NRXN3: variants seen among roughly 807,000 people sequenced by gnomAD.
NRXN3 encodes the protein neurexin III.
A neutral mutation model predicts 137.6 loss-of-function variants in NRXN3; 32 were observed. The observed-to-expected ratio is 0.23, with a 90% confidence interval of 0.18 to 0.31. NRXN3 has a LOEUF of 0.31. Among genes scored for constraint, NRXN3 ranks in the 10% least tolerant of loss-of-function variants. The pLI, the probability that NRXN3 is intolerant of heterozygous loss-of-function variation, is 1.00. For synonymous variants in NRXN3, 798 were observed against 784.5 expected (o/e 1.02, Z -0.29); for missense variants, 1,574 against 2,062.5 (o/e 0.76, Z 4.59).
At chr14:79,437,840 T>C (rs1020188845) in intron 15 of NRXN3, among the ~76,000 whole-genome samples, 10 of 152,240 alleles carry the variant, frequency 6.6e-5, no homozygotes, top group African/African-American at 2.4e-4. Context: ...CTGGACCTCT[T>C]TGAGTCATGC....
In NRXN3 at chr14:79,212,067, T is replaced by G. The variant is rs547999987; in HGVS notation, c.3262+223926T>G. On this transcript the variant is annotated intron_variant, in intron 15 of 20. Transcript: ENST00000335750. ...TCTTGGCTTAAAGGGCAACTTCCTG[T>G]GCATGTTCAGGAATCTGTGGCAAAG... is the stretch of plus-strand genomic sequence containing the variant. Among the ~76,000 whole-genome samples the G allele has an allele frequency of 3.9e-5, 6 of 152,316 alleles. No individual in the cohort carries two copies. In the East Asian group the frequency reaches 1.2e-3, roughly 29 times the overall value.
At chr14:79,216,184 T>C (rs573070701) in intron 15 of NRXN3, among the ~76,000 whole-genome samples, 1 of 152,226 alleles carries the variant, frequency 6.6e-6, no homozygotes, top group East Asian at 1.9e-4. Context: ...TGGAATGGGA[T>C]GATTTGAAGG....
chr14:79,556,728 A>T (rs1037919556), intron 16 of NRXN3, among the ~76,000 whole-genome samples: 6 of 151,956 alleles, frequency 3.9e-5, no homozygotes, highest in Admixed American at 3.9e-4. Context: ...GATAAAAATT[A>T]TTTTTTGTGT....
chr14:79,527,003 C>T (rs1336793526), intron 16 of NRXN3, among the ~76,000 whole-genome samples: 1 of 151,998 alleles, frequency 6.6e-6, no homozygotes, highest in Non-Finnish European at 1.5e-5. Context: ...AGAATAACTG[C>T]TGGCCAGGCA....
At chr14:78,555,579 C>T (rs1021344651) in intron 4 of NRXN3, among the ~76,000 whole-genome samples, 2 of 152,210 alleles carry the variant, frequency 1.3e-5, no homozygotes, top group Non-Finnish European at 2.9e-5. Context: ...CAACTTTTGA[C>T]TTGAACAGTC....
At chr14:79,616,573 C>T (rs1434357137) in intron 16 of NRXN3, among the ~76,000 whole-genome samples, 2 of 152,088 alleles carry the variant, frequency 1.3e-5, no homozygotes, top group Non-Finnish European at 2.9e-5. Flanking sequence ...TGCTTGTTAC[C>T]TGGGTAGCAA....
chr14:79,657,384 G>A (rs1453877281), intron 16 of NRXN3, among the ~76,000 whole-genome samples: 1 of 152,132 alleles, frequency 6.6e-6, no homozygotes, highest in Non-Finnish European at 1.5e-5. Context: ...GAGGGGACTG[G>A]GTCATTGTCA....
intron 16 of NRXN3, among the ~76,000 whole-genome samples, chr14:79,467,794 G>A (rs1483236445): frequency 6.6e-6 from 1 of 152,168 alleles, no homozygotes; most frequent in Non-Finnish European, 1.5e-5. Context: ...CAAACCTTCT[G>A]TAAAGAGACG....
Position 78,810,443 on chromosome 14 carries a change from A to AT in NRXN3, c.2275+105dup. ...TTATGAGCTGTTTTTTATTTGAATT[A>AT]TTTTTTCTTTTAACAATGGAGTGGG... On this transcript the variant is annotated intron_variant, in intron 10 of 20. Transcript: ENST00000335750. 1.2e-5 allele frequency: 4 copies of AT among 347,652 alleles called. No individual in the cohort carries two copies. In the South Asian group the frequency reaches 1.6e-4, roughly 14 times the overall value. 21.5% of individuals were successfully genotyped at this position (347,652 alleles called of 1,614,324 possible).
intron 4 of NRXN3, among the ~76,000 whole-genome samples, chr14:78,534,259 A>G: frequency 6.6e-6 from 1 of 152,218 alleles, no homozygotes; most frequent in East Asian, 1.9e-4. Context: ...TAAGCCTATG[A>G]TGATATTTTA....
intron 4 of NRXN3, among the ~76,000 whole-genome samples, chr14:78,605,502 C>T (rs1453781791): frequency 6.6e-6 from 1 of 152,114 alleles, no homozygotes; most frequent in Non-Finnish European, 1.5e-5. Flanking sequence ...ATTTGACATT[C>T]AGGTCAGATC....
intron 1 of NRXN3, among the ~76,000 whole-genome samples, chr14:78,215,771 T>TG (rs111862109): frequency 0.59 from 64,239 of 109,358 alleles, 17,587 homozygotes; most frequent in Middle Eastern, 0.68. Context: ...TGCAGGGGGG[T>TG]GGGGGGGGCA....
chr14:79,626,807 C>A (rs2098286604), intron 16 of NRXN3, among the ~76,000 whole-genome samples: 1 of 152,068 alleles, frequency 6.6e-6, no homozygotes, highest in African/African-American at 2.4e-5. Context: ...TCCAGATTAT[C>A]CAATACAGTA....
intron 15 of NRXN3, among the ~76,000 whole-genome samples, chr14:79,196,596 C>T (rs72688943): frequency 0.081 from 12,341 of 152,212 alleles, 670 homozygotes; most frequent in Non-Finnish European, 0.12. Context: ...CCATACCAAA[C>T]ATCCACTCTG....
chr14:78,663,898 T>A (rs1261971629), intron 6 of NRXN3, among the ~76,000 whole-genome samples: 1 of 152,232 alleles, frequency 6.6e-6, no homozygotes, highest in African/African-American at 2.4e-5. Context: ...GATAAAGCAA[T>A]CATTGAGCTA....
At chr14:78,620,802 A>G (rs2152499538) in intron 4 of NRXN3, among the ~76,000 whole-genome samples, 1 of 152,276 alleles carries the variant, frequency 6.6e-6, no homozygotes, top group East Asian at 1.9e-4. Context: ...ATATTATTAT[A>G]CCTATTTTAT....
At chr14:78,936,117 T>A (rs117913922) in intron 10 of NRXN3, among the ~76,000 whole-genome samples, 3,348 of 152,308 alleles carry the variant, frequency 0.022, 63 homozygotes, top group Middle Eastern at 0.027. Context: ...GCAGTCCATC[T>A]ATCTTTCCTA....
intron 4 of NRXN3, among the ~76,000 whole-genome samples, chr14:78,621,585 A>G (rs1009782754): frequency 3.3e-5 from 5 of 152,238 alleles, no homozygotes; most frequent in Non-Finnish European, 7.3e-5. Context: ...TAATAAATCA[A>G]CATTTCCCTC....
intron 1 of NRXN3, among the ~76,000 whole-genome samples, chr14:78,212,069 TG>T (rs976301992): frequency 2.6e-5 from 4 of 152,036 alleles, no homozygotes; most frequent in Non-Finnish European, 5.9e-5. Context: ...GATCTCAGAG[TG>T]GTGTTCTGAG....
Sources: gnomAD v4.1 joint callset for allele counts (sites outside exome capture counted in the v4.1 genomes callset) on GRCh38, gnomAD v4.1.1 for gene constraint, MANE v1.5 for transcripts, NCBI Gene and HGNC (gene_info 2026-07-23, HGNC 2026-07-21) for gene names.